Variants in TRPC5 observed in about 807,000 individuals in gnomAD.
TRPC5 encodes transient receptor potential cation channel subfamily C member 5.
In TRPC5, 9 loss-of-function variants were observed where a neutral mutation model predicts 56.5. That is an observed-to-expected ratio of 0.16 (90% CI 0.10 to 0.28). TRPC5 has a LOEUF of 0.28. TRPC5 is among the 10% of genes least tolerant of loss of function. TRPC5 has a pLI of 1.00. For synonymous variants in TRPC5, 282 were observed against 278.5 expected, an observed-to-expected ratio of 1.01 and a Z score of -0.13; for missense variants, 469 against 748.9, an observed-to-expected ratio of 0.63 and a Z score of 4.36.
intron 1 of TRPC5, among the ~76,000 whole-genome samples, chrX:111,962,819 T>C (rs1349903351): frequency 1.8e-5 from 2 of 112,091 alleles, no homozygotes; most frequent in Admixed American, 1.9e-4. Flanking sequence ...TTAATTGTTG[T>C]CTTATTTTAA....
At chrX:111,892,769 T>C (rs1924863985) in intron 3 of TRPC5, among the ~76,000 whole-genome samples, 1 of 111,929 alleles carries the variant, frequency 8.9e-6, no homozygotes, top group Non-Finnish European at 1.9e-5. Flanking sequence ...ATTGTGTCTC[T>C]GGCATGTCCT....
chrX:112,011,154 G>A (rs139772997), intron 1 of TRPC5, among the ~76,000 whole-genome samples: 256 of 111,572 alleles, frequency 2.3e-3, no homozygotes, highest in Middle Eastern at 9.3e-3. Flanking sequence ...ACTGGGATGG[G>A]GCTGTCTTTG....
At chrX:111,996,431 G>T (rs185817397) in intron 1 of TRPC5, among the ~76,000 whole-genome samples, 1 of 111,669 alleles carries the variant, frequency 9.0e-6, no homozygotes, top group Non-Finnish European at 1.9e-5. Flanking sequence ...GAATAAGTGC[G>T]ATGTGGTGCT....
chrX:111,887,831 A>G (rs187620467), intron 3 of TRPC5, among the ~76,000 whole-genome samples: 20 of 112,383 alleles, frequency 1.8e-4, no homozygotes, highest in Non-Finnish European at 3.0e-4. Flanking sequence ...TAGACAAAAC[A>G]GAGATCCCTG....
At chrX:112,014,674 C>G (rs1929075549) in intron 1 of TRPC5, among the ~76,000 whole-genome samples, 1 of 112,078 alleles carries the variant, frequency 8.9e-6, no homozygotes, top group African/African-American at 3.2e-5. Flanking sequence ...GCCTTTCCTT[C>G]CCCTTCTCAA....
chrX:111,814,915 T>A (rs939981496), intron 7 of TRPC5, among the ~76,000 whole-genome samples: 1 of 111,137 alleles, frequency 9.0e-6, no homozygotes, highest in Non-Finnish European at 1.9e-5. Flanking sequence ...TCCAGCTCCA[T>A]TCCAGCTCTC....
intron 3 of TRPC5, among the ~76,000 whole-genome samples, chrX:111,871,681 A>T (rs1234313176): frequency 8.9e-6 from 1 of 112,005 alleles, no homozygotes; most frequent in African/African-American, 3.2e-5. Flanking sequence ...AGTTCTTTTC[A>T]TCATTATGAC....
chrX:111,860,391 G>GT (rs1050153102), intron 3 of TRPC5, among the ~76,000 whole-genome samples: 5 of 112,033 alleles, frequency 4.5e-5, no homozygotes, highest in Non-Finnish European at 9.4e-5. Context: ...GTAAAAATTG[G>GT]TTTTTTTATT....
intron 2 of TRPC5, among the ~76,000 whole-genome samples, chrX:111,945,513 A>G (rs767698116): frequency 1.8e-5 from 2 of 110,638 alleles, no homozygotes; most frequent in East Asian, 5.7e-4. Flanking sequence ...ACATACATAG[A>G]CACACACACC....
intron 2 of TRPC5, among the ~76,000 whole-genome samples, chrX:111,929,385 T>C (rs116767150): frequency 0.011 from 1,293 of 112,621 alleles, 15 homozygotes; most frequent in African/African-American, 0.039. Context: ...CAAATTAGCA[T>C]TGGCATGTTT....
At chrX:111,807,998 G>A (rs1048367967) in intron 7 of TRPC5, among the ~76,000 whole-genome samples, 2 of 106,504 alleles carry the variant, frequency 1.9e-5, no homozygotes, top group Non-Finnish European at 3.8e-5. Context: ...GTGTGCACGC[G>A]CTGAGCTGCA....
At chrX:111,793,292 G>A (rs1408480036) in intron 7 of TRPC5, among the ~76,000 whole-genome samples, 7 of 111,447 alleles carry the variant, frequency 6.3e-5, no homozygotes, top group African/African-American at 2.3e-4. Context: ...GGCTGTTCTC[G>A]CATTGCTATG....
chrX:111,985,789 C>A (rs190779515), intron 1 of TRPC5, among the ~76,000 whole-genome samples: 162 of 112,148 alleles, frequency 1.4e-3, no homozygotes, highest in African/African-American at 5.1e-3. Context: ...TAGGTCTGCA[C>A]AAGTCAGATC....
At chrX:111,825,441 G>A (rs748618195) in intron 7 of TRPC5, among the ~76,000 whole-genome samples, 136 of 108,193 alleles carry the variant, frequency 1.3e-3, no homozygotes, top group Middle Eastern at 4.6e-3. Flanking sequence ...TTGTAGAGAC[G>A]GGGTTTCACC....
chrX:112,039,480 G>A (rs1204608040), intron 1 of TRPC5, among the ~76,000 whole-genome samples: 1 of 111,949 alleles, frequency 8.9e-6, no homozygotes, highest in African/African-American at 3.3e-5. Flanking sequence ...TTAGAGAAGC[G>A]TATGGTTTGG....
chrX:112,065,777 A>C (rs192152300), intron 1 of TRPC5, among the ~76,000 whole-genome samples: 1 of 111,124 alleles, frequency 9.0e-6, no homozygotes, highest in East Asian at 2.8e-4. Flanking sequence ...AGGCTGAGGC[A>C]CAAGAATTGC....
chrX:111,825,127 T>TTTCC lies in TRPC5; in HGVS notation c.1896+9790_1896+9793dup, dbSNP rs1161308680. Among the ~76,000 whole-genome samples, 225 of 86,798 alleles carry TTTCC rather than the reference T, an allele frequency of 2.6e-3. 4 individuals carry two copies. The highest frequency in any genetic ancestry group is 7.8e-3 in the African/African-American group (104 of 13,405). The allele number at this position is 86,798 out of a possible 115,157, so 75.4% of individuals were successfully genotyped here. ...TTTTCTCTTTCTTTCTTTTCTTTCT[T>TTTCC]TTCCTTCCTTCCTTCCTTCCTTTCT... On this transcript the variant is annotated intron_variant, in intron 7 of 10. Coordinates refer to ENST00000262839, the MANE Select transcript of TRPC5 (RefSeq NM_012471.3).
chrX:112,075,696 G>A (rs1930818786), intron 1 of TRPC5, among the ~76,000 whole-genome samples: 1 of 112,017 alleles, frequency 8.9e-6, no homozygotes, highest in Admixed American at 9.5e-5. Flanking sequence ...TGCAAAGGGA[G>A]AAGAGACAGG....
intron 1 of TRPC5, among the ~76,000 whole-genome samples, chrX:112,013,789 C>A (rs1268634819): frequency 1.8e-5 from 2 of 111,723 alleles, no homozygotes; most frequent in African/African-American, 6.5e-5. Context: ...TGATTTGGAG[C>A]CTCAGTCTCT....
Sources: allele counts gnomAD v4.1 joint callset (sites outside exome capture counted in the v4.1 genomes callset), GRCh38; gene constraint gnomAD v4.1.1; transcripts MANE v1.5; gene names NCBI Gene and HGNC (gene_info 2026-07-23, HGNC 2026-07-21).